The following NELL1 variants were observed in gnomAD, a reference collection of about 807,000 sequenced individuals.
NELL1 encodes the protein protein kinase C-binding protein NELL1.
Under a neutral mutation model 107.4 loss-of-function variants are expected in NELL1, and 76 were observed. The observed-to-expected ratio is 0.71, with a 90% CI of 0.59 to 0.86. The LOEUF (loss-of-function observed/expected upper bound fraction) is 0.86, where lower values mean the gene tolerates loss of function less well. Ranked by LOEUF, NELL1 falls within the 40% of genes least tolerant of loss-of-function variation. NELL1 has a pLI of 0.00. For synonymous variants in NELL1, 353 were observed against 341.2 expected, an observed-to-expected ratio of 1.03 and a Z score of -0.38; for missense variants, 1,024 against 1,005.5, an observed-to-expected ratio of 1.02 and a Z score of -0.25.
chr11:20,830,545 C>T (rs1295988965), intron 3 of NELL1, among the ~76,000 whole-genome samples: 1 of 151,926 alleles, frequency 6.6e-6, no homozygotes, highest in African/African-American at 2.4e-5. Flanking sequence ...ACCATGTTGG[C>T]CAGGCTGGTA....
chr11:21,291,773 T>C (rs1305404164), intron 14 of NELL1, among the ~76,000 whole-genome samples: 1 of 151,906 alleles, frequency 6.6e-6, no homozygotes, highest in Admixed American at 6.6e-5. Context: ...TGGTTCAACA[T>C]ACACAAATCA....
chr11:20,700,444 A>G (rs1194061261), intron 2 of NELL1, among the ~76,000 whole-genome samples: 1 of 152,156 alleles, frequency 6.6e-6, no homozygotes. Context: ...GTGCCACTGC[A>G]TTCCAGCCTG....
chr11:20,905,746 G>T (rs1428701012), intron 5 of NELL1, among the ~76,000 whole-genome samples: 1 of 151,866 alleles, frequency 6.6e-6, no homozygotes, highest in Non-Finnish European at 1.5e-5. Context: ...GGAGCAAAAA[G>T]AAAAATGAAT....
At chr11:21,280,097 G>A (rs1238896998) in intron 14 of NELL1, among the ~76,000 whole-genome samples, 4 of 152,094 alleles carry the variant, frequency 2.6e-5, no homozygotes, top group African/African-American at 9.7e-5. Context: ...GATTTTTAAG[G>A]CAGTGAAACT....
At chr11:21,097,769 G>A (rs4923342) in intron 12 of NELL1, among the ~76,000 whole-genome samples, 40,086 of 151,958 alleles carry the variant, frequency 0.26, 5,778 homozygotes, top group South Asian at 0.37. Context: ...GATTTATTTT[G>A]TCTTACAATG....
chr11:20,690,133 GT>G (rs1447488975), intron 2 of NELL1, among the ~76,000 whole-genome samples: 5 of 152,022 alleles, frequency 3.3e-5, no homozygotes, highest in Non-Finnish European at 5.9e-5. Context: ...TGATGGGGTT[GT>G]TTTTTTCTTG....
intron 15 of NELL1, among the ~76,000 whole-genome samples, chr11:21,509,345 C>G (rs903283389): frequency 1.3e-5 from 2 of 152,022 alleles, no homozygotes; most frequent in African/African-American, 4.8e-5. Context: ...AATCTCTGAC[C>G]CAACAGTTCT....
chr11:20,968,580 G>A (rs1011014444), intron 12 of NELL1, among the ~76,000 whole-genome samples: 5 of 152,096 alleles, frequency 3.3e-5, no homozygotes, highest in Non-Finnish European at 7.4e-5. Context: ...TATTTGCTAC[G>A]GAATGCCTTT....
At chr11:21,265,206 CA>C (rs1241302060) in intron 14 of NELL1, among the ~76,000 whole-genome samples, 1 of 151,836 alleles carries the variant, frequency 6.6e-6, no homozygotes, top group Non-Finnish European at 1.5e-5. Context: ...AGCCAAAAAC[CA>C]AAAAAATTCA....
At chr11:21,453,423 C>A (rs1473291416) in intron 15 of NELL1, among the ~76,000 whole-genome samples, 1 of 152,146 alleles carries the variant, frequency 6.6e-6, no homozygotes, top group Non-Finnish European at 1.5e-5. Context: ...GCCTTACTTT[C>A]ATTACTGTAT....
At chr11:20,952,215 G>A (rs995648517) in intron 11 of NELL1, among the ~76,000 whole-genome samples, 5 of 152,088 alleles carry the variant, frequency 3.3e-5, no homozygotes, top group South Asian at 2.1e-4. Flanking sequence ...TGCCAATGAC[G>A]TTGGAGGATT....
intron 2 of NELL1, among the ~76,000 whole-genome samples, chr11:20,706,743 A>G (rs1374324661): frequency 6.6e-6 from 1 of 151,314 alleles, no homozygotes; most frequent in African/African-American, 2.4e-5. Flanking sequence ...CTGCTGAGAG[A>G]TCCTCTCTTA....
chr11:20,936,732 C>T lies in NELL1; in HGVS notation c.998-1054C>T, dbSNP rs569744205. Among the ~76,000 whole-genome samples the T allele has an allele frequency of 3.3e-5, 5 of 152,274 alleles. No individual in the cohort carries two copies. In the South Asian group the frequency reaches 8.3e-4, roughly 25 times the overall value. On this transcript the variant is annotated intron_variant, in intron 9 of 19. Coordinates refer to ENST00000357134, the MANE Select transcript of NELL1 (RefSeq NM_006157.5). ...ATATTACCAGTTAGCATGTTGCCTGCCCTTTAGTAACACTAGAATATTATT... is the reference window on the plus strand; with the variant it reads ...ATATTACCAGTTAGCATGTTGCCTGTCCTTTAGTAACACTAGAATATTATT...
chr11:20,842,797 T>C (rs1446885289), intron 3 of NELL1, among the ~76,000 whole-genome samples: 2 of 152,224 alleles, frequency 1.3e-5, no homozygotes, highest in Non-Finnish European at 1.5e-5. Flanking sequence ...TAGTCACTAC[T>C]ATAGAAATAT....
intron 15 of NELL1, among the ~76,000 whole-genome samples, chr11:21,424,256 C>T (rs1852764578): frequency 6.6e-6 from 1 of 152,040 alleles, no homozygotes; most frequent in Non-Finnish European, 1.5e-5. Context: ...AATCAAATTA[C>T]TAAAATCAGA....
chr11:21,506,100 C>T (rs1855271334), intron 15 of NELL1, among the ~76,000 whole-genome samples: 1 of 152,184 alleles, frequency 6.6e-6, no homozygotes, highest in African/African-American at 2.4e-5. Context: ...CGCATTTTCA[C>T]AATTTAAGTA....
chr11:21,023,804 C>T (rs1186841805), intron 12 of NELL1, among the ~76,000 whole-genome samples: 3 of 152,048 alleles, frequency 2.0e-5, no homozygotes, highest in Non-Finnish European at 4.4e-5. Flanking sequence ...TGTCATTGTC[C>T]TGGTCTTTCA....
intron 13 of NELL1, among the ~76,000 whole-genome samples, chr11:21,225,739 TTAG>T (rs755089816): frequency 1.2e-4 from 18 of 152,202 alleles, no homozygotes; most frequent in Non-Finnish European, 2.1e-4. Flanking sequence ...ATTAGTAGAA[TTAG>T]TAGTAGTAGT....
At chr11:20,707,193 C>CCATGGT (rs1281501468) in intron 2 of NELL1, among the ~76,000 whole-genome samples, 1 of 152,196 alleles carries the variant, frequency 6.6e-6, no homozygotes, top group Non-Finnish European at 1.5e-5. Flanking sequence ...AGTTCTCCTG[C>CCATGGT]CATGGTGTTC....
Sources: allele counts gnomAD v4.1 joint callset (sites outside exome capture counted in the v4.1 genomes callset), GRCh38; gene constraint gnomAD v4.1.1; transcripts MANE v1.5; gene names NCBI Gene and HGNC (gene_info 2026-07-23, HGNC 2026-07-21).